Variants in CDH13 observed in about 807,000 individuals in gnomAD.
CDH13 encodes the protein cadherin-13.
In CDH13, 24 loss-of-function variants were observed where a neutral mutation model predicts 63.8. The observed-to-expected ratio is 0.38, with a 90% CI of 0.27 to 0.53. The LOEUF (loss-of-function observed/expected upper bound fraction) is 0.53. CDH13 is among the 20% of genes least tolerant of loss of function. The pLI is 0.85. For synonymous variants in CDH13, 503 were observed against 355.3 expected (o/e 1.42, Z -4.67); for missense variants, 1,049 against 903.1 (o/e 1.16, Z -2.07).
intron 1 of CDH13, among the ~76,000 whole-genome samples, chr16:82,661,247 C>G (rs1003500994): frequency 6.6e-6 from 1 of 152,212 alleles, no homozygotes; most frequent in East Asian, 1.9e-4. Context: ...GTCCTGAGGA[C>G]ACACGCTCTG....
chr16:83,520,650 T>C (rs577633269), intron 7 of CDH13, among the ~76,000 whole-genome samples: 26 of 152,336 alleles, frequency 1.7e-4, no homozygotes, highest in African/African-American at 5.8e-4. Context: ...TGCCGCTCAA[T>C]TGCCAATTTT....
At chr16:83,265,753 T>TC (rs369864549) in intron 5 of CDH13, among the ~76,000 whole-genome samples, 12 of 132,624 alleles carry the variant, frequency 9.0e-5, no homozygotes, top group Non-Finnish European at 2.0e-4. Flanking sequence ...TTTTTTTTTT[T>TC]GGTCTGTGTC....
chr16:82,839,785 T>C (rs144627716), intron 1 of CDH13, among the ~76,000 whole-genome samples: 115 of 152,300 alleles, frequency 7.6e-4, no homozygotes, highest in African/African-American at 2.7e-3. Context: ...CTCTTCACAT[T>C]ATCATATTTT....
intron 13 of CDH13, among the ~76,000 whole-genome samples, chr16:83,784,908 C>T (rs1157841577): frequency 6.6e-6 from 1 of 152,174 alleles, no homozygotes; most frequent in Admixed American, 6.5e-5. Context: ...GTCACTTAAC[C>T]TCGATTATCT....
chr16:83,240,899 A>C (rs946965484), intron 5 of CDH13, among the ~76,000 whole-genome samples: 4 of 152,060 alleles, frequency 2.6e-5, no homozygotes, highest in African/African-American at 9.7e-5. Flanking sequence ...AGTAGCATTA[A>C]GTCCACTCAC....
intron 1 of CDH13, among the ~76,000 whole-genome samples, chr16:82,764,717 G>A (rs1020270295): frequency 1.3e-4 from 20 of 152,116 alleles, no homozygotes; most frequent in African/African-American, 4.8e-4. Flanking sequence ...AAATTCAGGA[G>A]GTAATTTTGT....
intron 9 of CDH13, among the ~76,000 whole-genome samples, chr16:83,675,679 C>T (rs1405490353): frequency 6.6e-6 from 1 of 152,214 alleles, no homozygotes; most frequent in African/African-American, 2.4e-5. Context: ...GAAGAGACAG[C>T]TGAGACTTCA....
intron 7 of CDH13, among the ~76,000 whole-genome samples, chr16:83,583,616 G>A (rs1389671370): frequency 6.6e-6 from 1 of 152,132 alleles, no homozygotes; most frequent in Non-Finnish European, 1.5e-5. Context: ...AGGATGTGTG[G>A]GCATCAAAGA....
At chr16:83,048,768 T>G (rs930339214) in intron 3 of CDH13, among the ~76,000 whole-genome samples, 3 of 152,094 alleles carry the variant, frequency 2.0e-5, no homozygotes, top group African/African-American at 7.2e-5. Context: ...CCCCTCACAC[T>G]CTTACATCTT....
At chr16:83,058,102 G>C (rs571549301) in intron 3 of CDH13, among the ~76,000 whole-genome samples, 6 of 152,022 alleles carry the variant, frequency 3.9e-5, no homozygotes, top group Non-Finnish European at 7.4e-5. Flanking sequence ...AATATAAATC[G>C]TTAAATGTCA....
chr16:82,987,852 C>A (rs1198895183), intron 2 of CDH13, among the ~76,000 whole-genome samples: 2 of 152,196 alleles, frequency 1.3e-5, no homozygotes, highest in African/African-American at 2.4e-5. Flanking sequence ...CCATCTCTTG[C>A]TTTGTGATTC....
chr16:83,243,452 C>A (rs1904675799), intron 5 of CDH13, among the ~76,000 whole-genome samples: 1 of 152,038 alleles, frequency 6.6e-6, no homozygotes, highest in African/African-American at 2.4e-5. Context: ...AAAGACCTAC[C>A]CCCATGATTC....
intron 1 of CDH13, among the ~76,000 whole-genome samples, chr16:82,638,552 A>G (rs888946731): frequency 1.3e-5 from 2 of 152,156 alleles, no homozygotes; most frequent in African/African-American, 2.4e-5. Flanking sequence ...GCTCCAAGGA[A>G]TTTTATGGTC....
chr16:83,066,275 G>T (rs753080867), intron 3 of CDH13, among the ~76,000 whole-genome samples: 4 of 152,186 alleles, frequency 2.6e-5, no homozygotes, highest in Non-Finnish European at 5.9e-5. Flanking sequence ...ATGAGATACG[G>T]GAGCTTCCTA....
intron 7 of CDH13, among the ~76,000 whole-genome samples, chr16:83,550,382 C>G (rs940747123): frequency 6.6e-6 from 1 of 152,232 alleles, no homozygotes; most frequent in Non-Finnish European, 1.5e-5. Flanking sequence ...TGTCTTAATC[C>G]TCCTGTGAGG....
At chr16:83,262,455 T>G (rs1377666240) in intron 5 of CDH13, among the ~76,000 whole-genome samples, 1 of 152,232 alleles carries the variant, frequency 6.6e-6, no homozygotes. Flanking sequence ...TTTCATTTTC[T>G]TTCAAATATT....
intron 6 of CDH13, among the ~76,000 whole-genome samples, chr16:83,441,150 C>A (rs868198225): frequency 6.6e-6 from 1 of 152,126 alleles, no homozygotes; most frequent in Non-Finnish European, 1.5e-5. Context: ...ATGGCACAGC[C>A]AGGGTCAGTA....
Position 82,713,810 on chromosome 16 carries a change from AAAAAAACAAAC to A in CDH13, c.45+86680_45+86690del, listed in dbSNP as rs1198860442. On this transcript the variant is annotated intron_variant, in intron 1 of 13. Transcript: ENST00000567109. ...CTTTAGGGCTTCTGTATTTGTGAAA[AAAAAAACAAAC>A]AAAAAAAAAGGAAAACAATAGTTTC... Among the ~76,000 whole-genome samples, 774 of 150,976 alleles carry A rather than the reference AAAAAAACAAAC, an allele frequency of 5.1e-3. 9 individuals carry two copies. The highest frequency in any genetic ancestry group is 0.017 in the African/African-American group (687 of 41,188).
At chr16:83,678,026 A>G (rs1915105061) in intron 9 of CDH13, among the ~76,000 whole-genome samples, 182 bp from the exon 10 acceptor site, 1 of 152,010 alleles carries the variant, frequency 6.6e-6, no homozygotes, top group African/African-American at 2.4e-5. Context: ...TTAATCTCAC[A>G]TTTTCATGTT....
Sources: allele counts gnomAD v4.1 joint callset (sites outside exome capture counted in the v4.1 genomes callset), GRCh38; gene constraint gnomAD v4.1.1; transcripts MANE v1.5; gene names NCBI Gene and HGNC (gene_info 2026-07-23, HGNC 2026-07-21).